TENM3: variants seen among roughly 807,000 people sequenced by gnomAD.
The protein encoded by TENM3 is teneurin-3.
A neutral mutation model predicts 255.1 loss-of-function variants in TENM3; 63 were observed. The observed-to-expected ratio is 0.25, with a 90% CI of 0.20 to 0.30. The LOEUF is 0.30. TENM3 is among the 10% of genes least tolerant of loss of function. The probability of loss-of-function intolerance (pLI) is 1.00; values close to 1 mark genes in which losing one functional copy is unlikely to be tolerated. For missense variants in TENM3, 2,929 were observed against 3,461.1 expected, an observed-to-expected ratio of 0.85 and a Z score of 3.86; for synonymous variants, 1,306 against 1,322.3, an observed-to-expected ratio of 0.99 and a Z score of 0.27.
the TENM3 span, among the ~76,000 whole-genome samples, chr4:181,965,720 C>T: frequency 2.0e-5 from 3 of 152,168 alleles, no homozygotes; most frequent in Non-Finnish European, 4.4e-5. Flanking sequence ...TATTTTTCTC[C>T]TGTGTCTCCT....
intron 3 of TENM3, among the ~76,000 whole-genome samples, chr4:182,395,869 C>A (rs1383925060): frequency 6.6e-6 from 1 of 152,144 alleles, no homozygotes; most frequent in Admixed American, 6.5e-5. Flanking sequence ...AAGGTAAAAT[C>A]ATCTTGGGGT....
the TENM3 span, among the ~76,000 whole-genome samples, chr4:181,955,160 C>G: frequency 0.16 from 23,637 of 152,168 alleles, 2,187 homozygotes; most frequent in African/African-American, 0.25. Flanking sequence ...ACTCACGAAG[C>G]TGTAGCTTTT....
rs77555974 is a variant in TENM3 at position 182,498,376 on chromosome 4, A to G, written c.512-102548A>G. Among the ~76,000 whole-genome samples the G allele has an allele frequency of 1.4e-4, 21 of 152,276 alleles. No homozygotes were observed. The East Asian group carries it at 3.7e-3, about 27-fold the overall frequency. On this transcript the variant is annotated intron_variant, in intron 3 of 27. Coordinates refer to ENST00000511685, the MANE Select transcript of TENM3 (RefSeq NM_001080477.4). ...ATCATTCGTCTTCACCTCTTGAGAA[A>G]TTTGTGTACATTGTGGAATATTTAT...
At chr4:182,387,577 C>G (rs966238186) in intron 3 of TENM3, among the ~76,000 whole-genome samples, 8 of 152,124 alleles carry the variant, frequency 5.3e-5, no homozygotes, top group African/African-American at 1.7e-4. Flanking sequence ...TTGTTTGGGT[C>G]CACGCTGCTT....
intron 1 of TENM3, among the ~76,000 whole-genome samples, chr4:182,291,961 G>A (rs1761160006): frequency 6.6e-6 from 1 of 152,086 alleles, no homozygotes; most frequent in African/African-American, 2.4e-5. Context: ...GGTTTTCTTT[G>A]TAATCTTATT....
At chr4:182,032,751 G>T in the TENM3 span, among the ~76,000 whole-genome samples, 1 of 152,248 alleles carries the variant, frequency 6.6e-6, no homozygotes, top group East Asian at 1.9e-4. Flanking sequence ...TCTATTCAGG[G>T]ATTCAACTTC....
chr4:182,631,727 A>G (rs2152475285), intron 5 of TENM3: 1 of 152,272 alleles, frequency 6.6e-6, no homozygotes, highest in Middle Eastern at 3.4e-3. Context: ...TTTTTTTTCC[A>G]TTCCCTTAGA....
chr4:182,285,453 T>G (rs1760673903), intron 1 of TENM3, among the ~76,000 whole-genome samples: 1 of 152,202 alleles, frequency 6.6e-6, no homozygotes, highest in Admixed American at 6.5e-5. Context: ...ATACTGACTG[T>G]GGGGTCCACA....
At chr4:182,100,624 C>CACATATATATACACACACATATAT in the TENM3 span, among the ~76,000 whole-genome samples, 3 of 52,998 alleles carry the variant, frequency 5.7e-5, no homozygotes, top group Admixed American at 5.3e-4. Context: ...TATATATACA[C>CACATATATATACACACACATATAT]ACACATATAT....
In TENM3 at chr4:182,754,975, A is replaced by G; in HGVS notation, c.4608A>G (p.Leu1536=). 2 of 1,614,078 alleles carry G rather than the reference A, an allele frequency of 1.2e-6. No individual in the cohort carries two copies. The highest frequency in any genetic ancestry group is 1.7e-6 in the Non-Finnish European group (2 of 1,179,894). The change falls in exon 22 of 28, where the codon TTA becomes TTG. Residue 1536 remains leucine (L), a synonymous_variant. Coordinates refer to ENST00000511685, the MANE Select transcript of TENM3 (RefSeq NM_001080477.4). The surrounding 1 kb of genome is among the most constrained non-coding windows in gnomAD (Gnocchi z 5.1). ...INGTHQYTVS[L]VTGDYLYNFS... is the part of the protein sequence containing the mutation. ...GTACTCACCAATATACTGTAAGTTT[A>G]GTCACTGGTGATTACCTTTACAATT...
the TENM3 span, among the ~76,000 whole-genome samples, chr4:181,509,645 G>T: frequency 6.6e-6 from 1 of 152,224 alleles, no homozygotes; most frequent in Non-Finnish European, 1.5e-5. Flanking sequence ...GGATTGAACA[G>T]AACTTGACAG....
intron 1 of TENM3, among the ~76,000 whole-genome samples, chr4:182,235,309 G>A (rs1756825982): frequency 6.6e-6 from 1 of 152,208 alleles, no homozygotes; most frequent in African/African-American, 2.4e-5. Context: ...CCAAGTCTGT[G>A]ATCTCAGATA....
At chr4:182,487,604 C>G (rs1419714518) in intron 3 of TENM3, among the ~76,000 whole-genome samples, 1 of 152,042 alleles carries the variant, frequency 6.6e-6, no homozygotes, top group Non-Finnish European at 1.5e-5. Context: ...AACTGAGCTA[C>G]TTAGGCTACT....
At chr4:182,397,398 TAAAAAAA>T (rs144177808) in intron 3 of TENM3, among the ~76,000 whole-genome samples, 3 of 48,976 alleles carry the variant, frequency 6.1e-5, no homozygotes, top group South Asian at 1.3e-3. Context: ...AGACTCCATC[TAAAAAAA>T]AAAAAAAAAA....
At chr4:181,498,455 T>C in the TENM3 span, among the ~76,000 whole-genome samples, 1 of 146,858 alleles carries the variant, frequency 6.8e-6, no homozygotes, top group Admixed American at 7.2e-5. Context: ...CACTCCCTGC[T>C]CCCAGAAAAA....
chr4:182,487,348 A>T lies in TENM3; in HGVS notation c.512-113576A>T, dbSNP rs185630388. Among the ~76,000 whole-genome samples the T allele has an allele frequency of 1.7e-4, 26 of 152,342 alleles. No homozygotes were observed. In the East Asian group the frequency reaches 4.6e-3, roughly 27 times the overall value. The stretch of plus-strand genomic sequence containing the variant: ...TCTCTTTATCGTTGAATTACTATAG[A>T]TAACAGATTAACTGTATTTAACTAT... On this transcript the variant is annotated intron_variant, in intron 3 of 27. Transcript: ENST00000511685.
chr4:182,227,956 T>G (rs141436527), intron 1 of TENM3, among the ~76,000 whole-genome samples: 4,171 of 152,224 alleles, frequency 0.027, 79 homozygotes, highest in Non-Finnish European at 0.041. Context: ...CCATTTACAT[T>G]TCTTAGCAAT....
At chr4:182,603,784 T>TATATATATACAC (rs58332965) in intron 4 of TENM3, among the ~76,000 whole-genome samples, 57 of 134,208 alleles carry the variant, frequency 4.2e-4, no homozygotes, top group African/African-American at 1.5e-3. Context: ...TATATATATA[T>TATATATATACAC]ACACACACAC....
the TENM3 span, among the ~76,000 whole-genome samples, chr4:181,985,608 G>A: frequency 6.6e-6 from 1 of 152,012 alleles, no homozygotes; most frequent in Non-Finnish European, 1.5e-5. Context: ...CTGAGCAATG[G>A]GAGTAAACCT....
Sources: allele counts gnomAD v4.1 joint callset (sites outside exome capture counted in the v4.1 genomes callset), GRCh38; gene constraint gnomAD v4.1.1; non-coding constraint Gnocchi (gnomAD v3.1); transcripts MANE v1.5; gene names NCBI Gene and HGNC (gene_info 2026-07-23, HGNC 2026-07-21).